TLCD3B: variants seen among roughly 807,000 people sequenced by gnomAD.
TLCD3B encodes the protein TLC domain containing 3B, also known as ceramide synthase.
In TLCD3B, 9 loss-of-function variants were observed where a neutral mutation model predicts 23.0. The observed-to-expected ratio is 0.39, with a 90% confidence interval of 0.24 to 0.68. The LOEUF (loss-of-function observed/expected upper bound fraction) is 0.68, where lower values mean the gene tolerates loss of function less well. Ranked by LOEUF, TLCD3B falls within the 30% of genes least tolerant of loss-of-function variation. The probability of loss-of-function intolerance (pLI) is 0.44; values close to 1 mark genes in which losing one functional copy is unlikely to be tolerated. For synonymous variants in TLCD3B, 161 were observed against 161.0 expected, an observed-to-expected ratio of 1.00 and a Z score of 0.00; for missense variants, 307 against 371.8, an observed-to-expected ratio of 0.83 and a Z score of 1.43.
chr16:30,026,448 G>A (rs1435939734), intron 3 of TLCD3B, among the ~76,000 whole-genome samples, 161 bp downstream of exon 3: 2 of 152,142 alleles, frequency 1.3e-5, no homozygotes, highest in African/African-American at 4.8e-5. Context: ...CCCTGGGCTG[G>A]TGCTCAGTGA....
chr16:30,029,384 C>T lies in TLCD3B; in HGVS notation c.209+48G>A, dbSNP rs771852177. Reference sequence around the variant, plus strand: ...GTGGGGTCTTCCGGGATTACCCGTACACGCCAACCACTGGCACCTGGGCAG... The same window carrying T: ...GTGGGGTCTTCCGGGATTACCCGTATACGCCAACCACTGGCACCTGGGCAG... On this transcript the variant is annotated intron_variant, in intron 2 of 4. Coordinates refer to ENST00000380495, the MANE Select transcript of TLCD3B (RefSeq NM_031478.6). This position sits in a 1 kb window ranked among gnomAD's most constrained non-coding sequence, Gnocchi z 4.6. 2.0e-6 allele frequency: 3 copies of T among 1,538,118 alleles called. No individual in the cohort carries two copies. Among genetic ancestry groups the T allele is most frequent in the East Asian group, 2.3e-5 (1 of 44,392 alleles).
intron 1 of TLCD3B, among the ~76,000 whole-genome samples, chr16:30,049,097 C>T (rs910624955): frequency 1.3e-5 from 2 of 152,134 alleles, no homozygotes; most frequent in South Asian, 2.1e-4. Context: ...TTGTTTCCAA[C>T]TGGGCCATTA....
At chr16:30,051,536 A>AG (rs2071752477) in intron 1 of TLCD3B, among the ~76,000 whole-genome samples, 1 of 150,520 alleles carries the variant, frequency 6.6e-6, no homozygotes, top group African/African-American at 2.5e-5. Flanking sequence ...AAAAAAAAAA[A>AG]AAAGAAAAGA....
intron 3 of TLCD3B, among the ~76,000 whole-genome samples, chr16:30,026,351 G>T (rs1245659402): frequency 6.6e-6 from 1 of 152,178 alleles, no homozygotes; most frequent in African/African-American, 2.4e-5. Flanking sequence ...TGAGGAAACT[G>T]AGGCTCAGAG....
At chr16:30,050,685 G>C (rs910383060) in intron 1 of TLCD3B, among the ~76,000 whole-genome samples, 1 of 152,230 alleles carries the variant, frequency 6.6e-6, no homozygotes, top group Non-Finnish European at 1.5e-5. Context: ...GGGTGGCCAA[G>C]AGGGTGGCTG....
Position 30,025,496 on chromosome 16 carries a change from G to T in TLCD3B, c.541-29C>A, listed in dbSNP as rs772678484. ...AGGAGACACAGACACAGTGGCCACG[G>T]CAGCAGAAGGGCTCGGCCCCCCTTG... On this transcript the variant is annotated intron_variant, in intron 4 of 4. Coordinates refer to ENST00000380495, the MANE Select transcript of TLCD3B (RefSeq NM_031478.6). The surrounding 1 kb of genome is among the most constrained non-coding windows in gnomAD (Gnocchi z 4.1). 6.8e-6 allele frequency: 11 copies of T among 1,608,524 alleles called. No homozygotes were observed. The highest frequency in any genetic ancestry group is 1.3e-5 in the African/African-American group (1 of 74,768).
At position 30,025,643 on chromosome 16, in the gene TLCD3B, G is replaced by C; in HGVS notation, c.540+83C>G. 4 of 1,505,674 alleles carry C rather than the reference G, an allele frequency of 2.7e-6. No homozygotes were observed. Among genetic ancestry groups the C allele is most frequent in the African/African-American group, 1.4e-5 (1 of 72,876 alleles). The allele number at this position is 1,505,674 out of a possible 1,614,324, so 93.3% of individuals were successfully genotyped here. A position where few individuals can be genotyped will look rare whatever the true frequency, so the allele number is the denominator to read the frequency against. On this transcript the variant is annotated intron_variant, in intron 4 of 4. Transcript: ENST00000380495. The surrounding 1 kb of genome is among the most constrained non-coding windows in gnomAD (Gnocchi z 4.1). ...TGAGGGGGGGATGACGAAGGGGCTA[G>C]AGCCCTTGGCAGCAACCTTGAAGGT...
rs1305050727 is a variant in TLCD3B at position 30,025,285 on chromosome 16, G to C, written c.723C>G (p.Leu241=). 8.4e-6 allele frequency: 13 copies of C among 1,549,494 alleles called. No homozygotes were observed. Among genetic ancestry groups the C allele is most frequent in the Non-Finnish European group, 9.6e-6 (11 of 1,146,910 alleles). ...PAHVNLGAAL[L]LAPQLYWFFL... ...AGAACCAGTAGAGCTGAGGGGCCAGGAGCAGCGCAGCGCCCAGGTTGACGT... is the reference window on the plus strand; with the variant it reads ...AGAACCAGTAGAGCTGAGGGGCCAGCAGCAGCGCAGCGCCCAGGTTGACGT... Residue 241 remains leucine (L), a synonymous_variant, in exon 5 of 5, where the codon CTC becomes CTG. Transcript: ENST00000380495. The surrounding 1 kb of genome is among the most constrained non-coding windows in gnomAD (Gnocchi z 4.1).
intron 3 of TLCD3B, among the ~76,000 whole-genome samples, chr16:30,038,025 G>A (rs2071507084): frequency 6.6e-6 from 1 of 152,184 alleles, no homozygotes; most frequent in Non-Finnish European, 1.5e-5. Context: ...GGAACCTTCT[G>A]AAGTGTTGGA....
At chr16:30,040,896 A>C (rs1486841576) in intron 3 of TLCD3B, 2 of 152,600 alleles carry the variant, frequency 1.3e-5, no homozygotes, top group Non-Finnish European at 2.9e-5. Context: ...CCTGGGCTCA[A>C]GCGATCCTCC....
rs1484724533 is a variant in TLCD3B at position 30,029,647 on chromosome 16, C to T, written c.126-132G>A. On this transcript the variant is annotated intron_variant, in intron 1 of 4. Coordinates refer to ENST00000380495, the MANE Select transcript of TLCD3B (RefSeq NM_031478.6). This position sits in a 1 kb window ranked among gnomAD's most constrained non-coding sequence, Gnocchi z 4.6. ...TCGGGCCAGTCCTTGCCTGCCTTCG[C>T]CCAAGGCTGGGCTGCCTGAGGTGTG... is the stretch of plus-strand genomic sequence containing the variant. The T allele has an allele frequency of 3.8e-6, 3 of 793,848 alleles. No individual in the cohort carries two copies. The highest frequency in any genetic ancestry group is 2.7e-5 in the East Asian group (1 of 36,622). The allele number at this position is 793,848 out of a possible 1,614,324, so 49.2% of individuals were successfully genotyped here.
intron 2 of TLCD3B, among the ~76,000 whole-genome samples, chr16:30,045,742 T>A (rs540282144): frequency 2.8e-4 from 43 of 151,292 alleles, no homozygotes; most frequent in African/African-American, 1.0e-3. Context: ...TGTGTTTGTG[T>A]GTGTGTGTGT....
At position 30,025,150 on chromosome 16, in the gene TLCD3B, G is replaced by A. The variant is rs2071050951; in HGVS notation, c.*33C>T. ...CAGAGCCCTGTCTCCACGGGGGTGG[G>A]GGTGGGGAGGGGGAGGGTCCCGGCC... On this transcript the variant is annotated 3_prime_UTR_variant, in exon 5 of 5. Transcript: ENST00000380495. The surrounding 1 kb of genome is among the most constrained non-coding windows in gnomAD (Gnocchi z 4.1). The A allele has an allele frequency of 7.6e-7, 1 of 1,318,082 alleles. No homozygotes were observed. The highest frequency in any genetic ancestry group is 1.5e-5 in the African/African-American group (1 of 66,690). 81.6% of individuals were successfully genotyped at this position (1,318,082 alleles called of 1,614,324 possible).
chr16:30,050,125 C>T (rs2071728653), intron 1 of TLCD3B, among the ~76,000 whole-genome samples: 1 of 152,204 alleles, frequency 6.6e-6, no homozygotes, highest in Non-Finnish European at 1.5e-5. Context: ...GTCCAGGGGC[C>T]TTGCCAAGGC....
chr16:30,035,152 T>G (rs1251583345), upstream of TLCD3B: 1 of 429,932 alleles, frequency 2.3e-6, no homozygotes, highest in Non-Finnish European at 3.9e-6. Flanking sequence ...CCTCAGGTGA[T>G]CCACCTGCCT....
At chr16:30,032,968 A>G (rs904663511), upstream of TLCD3B, 5 of 152,190 alleles carry the variant, frequency 3.3e-5, no homozygotes, top group African/African-American at 1.2e-4. Context: ...TTTCAAACCC[A>G]TGGTTGCAGC....
upstream of TLCD3B, chr16:30,033,260 GA>G (rs2071403642): frequency 6.6e-6 from 1 of 151,848 alleles, no homozygotes; most frequent in Non-Finnish European, 1.5e-5. Context: ...AAAGAAAACA[GA>G]AAAACCAAAA....
At chr16:30,041,445 T>G (rs959288737) in intron 2 of TLCD3B, among the ~76,000 whole-genome samples, 2 of 152,124 alleles carry the variant, frequency 1.3e-5, no homozygotes, top group Non-Finnish European at 2.9e-5. Flanking sequence ...GGCTAATTTT[T>G]GTATTCTTAG....
chr16:30,036,599 T>C (rs8051721), intron 3 of TLCD3B: 24,210 of 347,812 alleles, frequency 0.07, 1,150 homozygotes, highest in African/African-American at 0.15. Flanking sequence ...ATTGGTGGAG[T>C]GGCTAGAAGG....
Sources: gnomAD v4.1 joint callset for allele counts (sites outside exome capture counted in the v4.1 genomes callset) on GRCh38, gnomAD v4.1.1 for gene constraint, Gnocchi (gnomAD v3.1) non-coding constraint, MANE v1.5 for transcripts, NCBI Gene and HGNC (gene_info 2026-07-23, HGNC 2026-07-21) for gene names.